NEGR1: variants seen among roughly 807,000 people sequenced by gnomAD.
NEGR1 encodes neuronal growth regulator 1.
In NEGR1, 10 loss-of-function variants were observed where a neutral mutation model predicts 40.9. The ratio of observed to expected loss-of-function variants is 0.24; its 90% CI spans 0.15 to 0.42. NEGR1 has a LOEUF of 0.42. NEGR1 is among the 10% of genes least tolerant of loss of function. The probability of loss-of-function intolerance (pLI) is 1.00; values close to 1 mark genes in which losing one functional copy is unlikely to be tolerated. For missense variants in NEGR1, 352 were observed against 438.9 expected (o/e 0.80, Z 1.77); for synonymous variants, 185 against 166.8 (o/e 1.11, Z -0.84).
At chr1:71,669,368 C>T (rs1348677419) in intron 4 of NEGR1, among the ~76,000 whole-genome samples, 2 of 151,850 alleles carry the variant, frequency 1.3e-5, no homozygotes, top group African/African-American at 2.4e-5. Flanking sequence ...CATAATTCTA[C>T]TTGTTTTTTA....
At chr1:72,255,165 T>A (rs116430393) in intron 1 of NEGR1, among the ~76,000 whole-genome samples, 6,524 of 152,170 alleles carry the variant, frequency 0.043, 476 homozygotes, top group African/African-American at 0.15. Flanking sequence ...ACAGGGACAT[T>A]TTTTACTAGG....
chr1:71,525,464 A>T (rs1647205785), intron 6 of NEGR1, among the ~76,000 whole-genome samples: 1 of 151,720 alleles, frequency 6.6e-6, no homozygotes, highest in Admixed American at 6.6e-5. Flanking sequence ...TTATAAAGAT[A>T]GGTATTTCAA....
At chr1:71,570,248 A>T (rs1648767156) in intron 6 of NEGR1, among the ~76,000 whole-genome samples, 1 of 152,168 alleles carries the variant, frequency 6.6e-6, no homozygotes, top group African/African-American at 2.4e-5. Context: ...ATTTTTTTGT[A>T]CATGGCATTT....
chr1:71,558,920 A>G (rs765417576), intron 6 of NEGR1, among the ~76,000 whole-genome samples: 1 of 150,030 alleles, frequency 6.7e-6, no homozygotes, highest in Non-Finnish European at 1.5e-5. Context: ...CAGTGCTTCT[A>G]GACTTCTCAG....
rs577335493 is a variant in NEGR1 at position 71,942,793 on chromosome 1, C to T, written c.177-7482G>A. On this transcript the variant is annotated intron_variant, in intron 1 of 6. Transcript: ENST00000357731. ...CTGGGATTACAGGCGTGAGCCACCG[C>T]GCCCGGCCTAAATCTATATTTTTTA... Among the ~76,000 whole-genome samples the T allele has an allele frequency of 8.7e-5, 13 of 148,732 alleles. No homozygotes were observed. In the South Asian group the frequency reaches 1.7e-3, roughly 20 times the overall value.
chr1:71,621,999 C>A (rs1270353164), intron 4 of NEGR1, among the ~76,000 whole-genome samples: 1 of 151,834 alleles, frequency 6.6e-6, no homozygotes, highest in East Asian at 1.9e-4. Flanking sequence ...GATGTTAAAG[C>A]AGAATTTATT....
chr1:71,500,093 C>A (rs561365837), intron 6 of NEGR1, among the ~76,000 whole-genome samples: 2 of 152,134 alleles, frequency 1.3e-5, no homozygotes, highest in East Asian at 3.9e-4. Context: ...TGTACAGTTT[C>A]TTTATGATCT....
chr1:71,819,426 C>T (rs527334251), intron 2 of NEGR1, among the ~76,000 whole-genome samples: 8 of 151,482 alleles, frequency 5.3e-5, no homozygotes, highest in South Asian at 4.2e-4. Context: ...TAGAGAGGTT[C>T]GAGAAGGGTT....
rs368990898 is a variant in NEGR1 at position 71,765,205 on chromosome 1, G to C, written c.535+10967C>G. ...CGGCCCAATCCTTCCCTATGACAAT[G>C]CCTGACTGCACATTGCCCAACCAAT... On this transcript the variant is annotated intron_variant, in intron 3 of 6. Coordinates refer to ENST00000357731, the MANE Select transcript of NEGR1 (RefSeq NM_173808.3). Among the ~76,000 whole-genome samples the C allele has an allele frequency of 2.0e-5, 3 of 152,122 alleles. No individual in the cohort carries two copies. In the East Asian group the frequency reaches 5.8e-4, roughly 29 times the overall value.
chr1:71,631,483 C>T (rs1038189934), intron 4 of NEGR1, among the ~76,000 whole-genome samples: 1 of 151,810 alleles, frequency 6.6e-6, no homozygotes, highest in Non-Finnish European at 1.5e-5. Flanking sequence ...TCCCATCTGG[C>T]ATAATGCATT....
chr1:71,702,936 G>A (rs1281398257), intron 3 of NEGR1, among the ~76,000 whole-genome samples: 1 of 152,110 alleles, frequency 6.6e-6, no homozygotes, highest in Non-Finnish European at 1.5e-5. Context: ...AATTCAGGTA[G>A]ACCAAGGGGA....
At chr1:72,242,258 G>T (rs963692577) in intron 1 of NEGR1, among the ~76,000 whole-genome samples, 7 of 151,638 alleles carry the variant, frequency 4.6e-5, no homozygotes, top group Admixed American at 1.3e-4. Flanking sequence ...AGTATAATGA[G>T]TTGGGATGCT....
intron 1 of NEGR1, among the ~76,000 whole-genome samples, chr1:72,118,564 TC>T (rs991368945): frequency 2.6e-5 from 4 of 151,780 alleles, no homozygotes; most frequent in African/African-American, 9.7e-5. Context: ...TAAAGCTGTA[TC>T]CTGTTTCCTT....
intron 6 of NEGR1, among the ~76,000 whole-genome samples, chr1:71,513,728 C>G (rs544151075): frequency 6.6e-6 from 1 of 152,244 alleles, no homozygotes; most frequent in East Asian, 1.9e-4. Flanking sequence ...CGAATAGGAA[C>G]AGCTCCGGTG....
intron 1 of NEGR1, among the ~76,000 whole-genome samples, chr1:72,133,949 CAT>C (rs2100319835): frequency 6.6e-6 from 1 of 151,632 alleles, no homozygotes; most frequent in East Asian, 1.9e-4. Flanking sequence ...GATGAAAAAT[CAT>C]GTGTTTCATA....
At chr1:72,074,735 A>C (rs1311958430) in intron 1 of NEGR1, among the ~76,000 whole-genome samples, 1 of 152,082 alleles carries the variant, frequency 6.6e-6, no homozygotes, top group Non-Finnish European at 1.5e-5. Context: ...TTTTTACTTC[A>C]TTCTATATTT....
intron 1 of NEGR1, among the ~76,000 whole-genome samples, chr1:72,224,941 T>A (rs1289426791): frequency 6.6e-6 from 1 of 152,078 alleles, no homozygotes; most frequent in Non-Finnish European, 1.5e-5. Context: ...TATAGTTATT[T>A]CAATGGCTTT....
At chr1:71,469,509 T>G (rs1321922002) in intron 6 of NEGR1, among the ~76,000 whole-genome samples, 1 of 151,920 alleles carries the variant, frequency 6.6e-6, no homozygotes, top group Non-Finnish European at 1.5e-5. Context: ...TACAGGAAAA[T>G]AGGGGGCTGC....
chr1:72,037,896 C>T (rs1296077111), intron 1 of NEGR1, among the ~76,000 whole-genome samples: 2 of 152,058 alleles, frequency 1.3e-5, no homozygotes, highest in African/African-American at 2.4e-5. Context: ...TAACAGAGCA[C>T]CATTCTTGGT....
Sources: allele counts gnomAD v4.1 joint callset (sites outside exome capture counted in the v4.1 genomes callset), GRCh38; gene constraint gnomAD v4.1.1; transcripts MANE v1.5; gene names NCBI Gene and HGNC (gene_info 2026-07-23, HGNC 2026-07-21).